CNTNAP2: variants seen among roughly 807,000 people sequenced by gnomAD.
The protein encoded by CNTNAP2 is contactin-associated protein-like 2.
Under a neutral mutation model 155.2 loss-of-function variants are expected in CNTNAP2, and 98 were observed. The ratio of observed to expected loss-of-function variants is 0.63; its 90% CI spans 0.54 to 0.75. CNTNAP2 has a LOEUF of 0.75. Ranked by LOEUF, CNTNAP2 falls within the 30% of genes least tolerant of loss-of-function variation. The probability of loss-of-function intolerance (pLI) is 0.00; values close to 1 mark genes in which losing one functional copy is unlikely to be tolerated. For missense variants in CNTNAP2, 1,727 were observed against 1,688.1 expected (o/e 1.02, Z -0.40); for synonymous variants, 651 against 631.2 (o/e 1.03, Z -0.47).
At chr7:147,818,497 T>TG (rs1182227358) in intron 13 of CNTNAP2, among the ~76,000 whole-genome samples, 2 of 152,182 alleles carry the variant, frequency 1.3e-5, no homozygotes, top group Non-Finnish European at 2.9e-5. Context: ...AAGTGATGGA[T>TG]GCCCCGTGCA....
At chr7:146,990,363 A>G (rs577174293) in intron 3 of CNTNAP2, among the ~76,000 whole-genome samples, 1 of 152,290 alleles carries the variant, frequency 6.6e-6, no homozygotes, top group East Asian at 1.9e-4. Context: ...TATTACAAAA[A>G]CAAGTGTATC....
intron 18 of CNTNAP2, among the ~76,000 whole-genome samples, chr7:148,195,154 C>T (rs1227463273): frequency 2.0e-5 from 3 of 152,160 alleles, no homozygotes; most frequent in Middle Eastern, 6.8e-3. Flanking sequence ...GTATTTGTAC[C>T]CTCTGTGATG....
At chr7:146,445,409 A>C (rs1054387070) in intron 1 of CNTNAP2, among the ~76,000 whole-genome samples, 1 of 152,168 alleles carries the variant, frequency 6.6e-6, no homozygotes, top group African/African-American at 2.4e-5. Context: ...TACCATTCTT[A>C]TCTTTGAAAC....
chr7:146,850,529 A>G (rs1269245802), intron 3 of CNTNAP2, among the ~76,000 whole-genome samples: 1 of 152,168 alleles, frequency 6.6e-6, no homozygotes, highest in Non-Finnish European at 1.5e-5. Flanking sequence ...TAATCTTAAA[A>G]ACAACTAATA....
At chr7:146,197,099 A>T (rs972128158) in intron 1 of CNTNAP2, among the ~76,000 whole-genome samples, 15 of 152,148 alleles carry the variant, frequency 9.9e-5, no homozygotes, top group Admixed American at 4.6e-4. Flanking sequence ...CTGCAATATT[A>T]TACAGGTTGA....
intron 3 of CNTNAP2, among the ~76,000 whole-genome samples, chr7:146,979,294 G>A (rs576970674): frequency 1.3e-5 from 2 of 152,038 alleles, no homozygotes; most frequent in Admixed American, 6.6e-5. Context: ...TAGCCACACT[G>A]GCCGCCTTCT....
At chr7:146,460,414 T>C (rs1796619470) in intron 1 of CNTNAP2, among the ~76,000 whole-genome samples, 1 of 152,112 alleles carries the variant, frequency 6.6e-6, no homozygotes, top group Admixed American at 6.6e-5. Flanking sequence ...GATCTAGCAA[T>C]CTTACTTCTG....
intron 1 of CNTNAP2, among the ~76,000 whole-genome samples, chr7:146,522,594 A>C (rs1263721305): frequency 6.6e-6 from 1 of 151,986 alleles, no homozygotes; most frequent in Non-Finnish European, 1.5e-5. Flanking sequence ...GGTAAAGGCC[A>C]TGATGATTTT....
intron 10 of CNTNAP2, among the ~76,000 whole-genome samples, chr7:147,409,844 A>G (rs1440137072): frequency 3.3e-5 from 5 of 152,248 alleles, no homozygotes; most frequent in Admixed American, 2.0e-4. Context: ...AATCAAAACC[A>G]CAATAAGATA....
intron 13 of CNTNAP2, among the ~76,000 whole-genome samples, chr7:147,664,157 C>A (rs1406534480): frequency 6.6e-6 from 1 of 152,178 alleles, no homozygotes. Context: ...TCTCTCAGTT[C>A]TCCCAGTGTG....
At position 146,904,760 on chromosome 7, in the gene CNTNAP2, C is replaced by T. The variant is rs147783596; in HGVS notation, c.402+64856C>T. ...TGCTGGGATTACAGGCGTGAGCCAC[C>T]GCGTCCGGCCGAGAATTCATCTTTT... On this transcript the variant is annotated intron_variant, in intron 3 of 23. Coordinates refer to ENST00000361727, the MANE Select transcript of CNTNAP2 (RefSeq NM_014141.6). Among the ~76,000 whole-genome samples the T allele has an allele frequency of 3.3e-3, 498 of 152,268 alleles. 3 individuals carry two copies. Among genetic ancestry groups the T allele is most frequent in the Non-Finnish European group, 5.2e-3 (353 of 68,026 alleles).
At chr7:147,596,084 G>C (rs1334385610) in intron 12 of CNTNAP2, among the ~76,000 whole-genome samples, 1 of 152,136 alleles carries the variant, frequency 6.6e-6, no homozygotes, top group Non-Finnish European at 1.5e-5. Context: ...TTGTTTACCA[G>C]GCGTCAGCAT....
chr7:147,178,803 G>T (rs950716818), intron 8 of CNTNAP2, among the ~76,000 whole-genome samples: 1 of 152,070 alleles, frequency 6.6e-6, no homozygotes, highest in Non-Finnish European at 1.5e-5. Context: ...GGTTATGTTC[G>T]ACCTTTAGTT....
chr7:147,445,917 C>A (rs1797729006), intron 10 of CNTNAP2, among the ~76,000 whole-genome samples: 2 of 151,904 alleles, frequency 1.3e-5, no homozygotes, highest in Admixed American at 6.6e-5. Context: ...GGCTCAGCCT[C>A]CTCATTAATT....
At chr7:146,546,591 A>G (rs7797091) in intron 1 of CNTNAP2, among the ~76,000 whole-genome samples, 93,798 of 151,402 alleles carry the variant, frequency 0.62, 29,863 homozygotes, top group African/African-American at 0.71. Flanking sequence ...AGAAATTATC[A>G]TAACAGGTTG....
At chr7:147,244,620 A>C (rs950394555) in intron 8 of CNTNAP2, among the ~76,000 whole-genome samples, 18 of 152,294 alleles carry the variant, frequency 1.2e-4, no homozygotes, top group African/African-American at 3.8e-4. Context: ...AGGAACTTAC[A>C]TTTTAGTGGG....
At chr7:147,207,642 T>G (rs1803049437) in intron 8 of CNTNAP2, among the ~76,000 whole-genome samples, 1 of 152,160 alleles carries the variant, frequency 6.6e-6, no homozygotes, top group South Asian at 2.1e-4. Context: ...GTAGAATACC[T>G]GGAAAACAAA....
chr7:147,666,821 G>T (rs1284967580), intron 13 of CNTNAP2, among the ~76,000 whole-genome samples: 1 of 152,186 alleles, frequency 6.6e-6, no homozygotes, highest in Non-Finnish European at 1.5e-5. Context: ...AATCAGTAAT[G>T]GTTATTGCTC....
At chr7:146,725,604 C>T (rs1563205760) in intron 1 of CNTNAP2, among the ~76,000 whole-genome samples, 1 of 152,172 alleles carries the variant, frequency 6.6e-6, no homozygotes, top group Non-Finnish European at 1.5e-5. Flanking sequence ...TACACAACTT[C>T]TCTAATTACT....
Sources: allele counts gnomAD v4.1 joint callset (sites outside exome capture counted in the v4.1 genomes callset), GRCh38; gene constraint gnomAD v4.1.1; transcripts MANE v1.5; gene names NCBI Gene and HGNC (gene_info 2026-07-23, HGNC 2026-07-21).